The following TCF20 variants were observed in gnomAD, a reference collection of about 807,000 sequenced individuals.
The protein encoded by TCF20 is SPRE-binding protein.
A neutral mutation model predicts 148.6 loss-of-function variants in TCF20; 3 were observed. The observed-to-expected ratio is 0.02, with a 90% CI of 0.01 to 0.05. The LOEUF is 0.05. TCF20 is among the 10% of genes least tolerant of loss of function. TCF20 has a pLI of 1.00. For synonymous variants in TCF20, 1,049 were observed against 909.5 expected, an observed-to-expected ratio of 1.15 and a Z score of -2.76; for missense variants, 2,350 against 2,429.3, an observed-to-expected ratio of 0.97 and a Z score of 0.69.
At chr22:42,232,749 A>G (rs1047054218) in intron 1 of TCF20, among the ~76,000 whole-genome samples, 1 of 149,808 alleles carries the variant, frequency 6.7e-6, no homozygotes, top group Non-Finnish European at 1.5e-5. Flanking sequence ...CAGTGAGCCT[A>G]GATCGTGCCA....
In TCF20 at chr22:42,168,709, A is replaced by AG. The variant is rs756457255; in HGVS notation, c.5826dup (p.Gln1944AlafsTer39). ...CTGCCTTTCGCGGTCTTGTTCTGCA[A>AG]GGGGGGGAGAGGGCACGGAAGGGGA... On this transcript the variant is annotated frameshift_variant, in exon 5 of 6. Transcript: ENST00000677622. LOFTEE classifies it high-confidence loss of function. 8 of 1,610,662 alleles carry AG rather than the reference A, an allele frequency of 5.0e-6. No homozygotes were observed. Among genetic ancestry groups the AG allele is most frequent in the Non-Finnish European group, 5.1e-6 (6 of 1,178,848 alleles).
Position 42,171,721 on chromosome 22 carries a change from G to A in TCF20, c.5750-1825C>T, listed in dbSNP as rs184636669. Among the ~76,000 whole-genome samples the A allele has an allele frequency of 7.2e-5, 11 of 152,352 alleles. No homozygotes were observed. The East Asian group carries it at 2.1e-3, about 29-fold the overall frequency. On this transcript the variant is annotated intron_variant, in intron 3 of 5. Coordinates refer to ENST00000677622, the MANE Select transcript of TCF20 (RefSeq NM_001378418.1). ...ATAAACAGCAGGAGCCAGACAACTG[G>A]AGCTCAGGGGATATGCTCTCTTCTT...
At chr22:42,162,624 G>A (rs1935534021) in intron 5 of TCF20, among the ~76,000 whole-genome samples, 1 of 152,202 alleles carries the variant, frequency 6.6e-6, no homozygotes, top group African/African-American at 2.4e-5. Context: ...TGGCAGCCTT[G>A]CCCCTCCTTC....
chr22:42,166,603 C>T (rs1314222623), intron 5 of TCF20, among the ~76,000 whole-genome samples: 4 of 142,046 alleles, frequency 2.8e-5, no homozygotes, highest in Non-Finnish European at 6.0e-5. Flanking sequence ...AGTGAGAATC[C>T]GTCTCCAAAA....
intron 2 of TCF20, among the ~76,000 whole-genome samples, chr22:42,207,080 G>A (rs891250949): frequency 4.6e-5 from 7 of 152,194 alleles, no homozygotes; most frequent in African/African-American, 1.7e-4. Context: ...AGCTTGGGGA[G>A]GCCTCAGTAA....
intron 1 of TCF20, among the ~76,000 whole-genome samples, chr22:42,257,176 C>T (rs1035071755): frequency 2.6e-5 from 4 of 152,122 alleles, no homozygotes; most frequent in Non-Finnish European, 4.4e-5. Flanking sequence ...TAAAATAAAA[C>T]CCTCCAGGAG....
chr22:42,232,525 C>A (rs1569170314), intron 1 of TCF20, among the ~76,000 whole-genome samples: 1 of 152,136 alleles, frequency 6.6e-6, no homozygotes, highest in Non-Finnish European at 1.5e-5. Context: ...GCATAGTCAT[C>A]TTTCAGCAAC....
intron 3 of TCF20, among the ~76,000 whole-genome samples, chr22:42,171,993 G>A (rs949834289): frequency 6.6e-6 from 1 of 152,220 alleles, no homozygotes; most frequent in Non-Finnish European, 1.5e-5. Context: ...TAGGAAATGC[G>A]TTCCCTCTGA....
intron 1 of TCF20, among the ~76,000 whole-genome samples, chr22:42,264,071 C>T (rs192390526): frequency 1.3e-5 from 2 of 152,148 alleles, no homozygotes; most frequent in East Asian, 3.9e-4. Context: ...TGCCAGCTGG[C>T]TGGGAAAGAC....
chr22:42,341,063 G>A (rs538408013), intron 1 of TCF20, among the ~76,000 whole-genome samples: 9 of 152,280 alleles, frequency 5.9e-5, no homozygotes, highest in African/African-American at 1.7e-4. Context: ...AGCGCGCGCC[G>A]GCTGCCAGGA....
rs1928095704 is a variant in TCF20, at chr22:42,338,041, G to A, written c.-37+5438C>T. ...TCTCCACCAGTCACTGTGGCCAGAG[G>A]GAGGGGGTACTGGGCCCCACCTGGG... On this transcript the variant is annotated intron_variant, in intron 1 of 1. Coordinates refer to the TCF20 transcript ENST00000515426. The surrounding 1 kb of genome is among the most constrained non-coding windows in gnomAD (Gnocchi z 4.0). 6.6e-6 allele frequency among the ~76,000 whole-genome samples: 1 copy of A among 152,208 alleles called. No individual in the cohort carries two copies. The highest frequency in any genetic ancestry group is 2.1e-4 in the South Asian group (1 of 4,832).
chr22:42,216,667 T>A (rs1408283480), intron 1 of TCF20, among the ~76,000 whole-genome samples: 2 of 152,212 alleles, frequency 1.3e-5, no homozygotes, highest in Non-Finnish European at 2.9e-5. Context: ...GCCAGTTTTT[T>A]AAATTCACAG....
In TCF20 at chr22:42,203,554, T is replaced by G. The variant is rs573647135; in HGVS notation, c.5655+6097A>C. ...ATCCTGAAAGAAAATGAACCTTTTC[T>G]CTGGAAATTTAGTGTCAATGTCATC... On this transcript the variant is annotated intron_variant, in intron 2 of 5. Transcript: ENST00000677622. 4.3e-4 allele frequency among the ~76,000 whole-genome samples: 66 copies of G among 152,324 alleles called. No homozygotes were observed. The South Asian group carries it at 0.014, about 32-fold the overall frequency.
rs775617949 is a variant in TCF20 at position 42,212,585 on chromosome 22, C to T, written c.2721G>A (p.Ser907=). 6.2e-6 allele frequency: 10 copies of T among 1,613,942 alleles called. No individual in the cohort carries two copies. Among genetic ancestry groups the T allele is most frequent in the Middle Eastern group, 1.6e-4 (1 of 6,082 alleles). Residue 907 remains serine (S), a synonymous_variant, in exon 2 of 6, where the codon TCG becomes TCA. Transcript: ENST00000677622. ...ACACCAAACCACCAGGAAGAATGACCGACTGACTTAAAGTTGGATTGAGAC... is the reference window on the plus strand; with the variant it reads ...ACACCAAACCACCAGGAAGAATGACTGACTGACTTAAAGTTGGATTGAGAC... ...NDRLNPTLSQ[S]VILPGGLVSM...
At chr22:42,265,437 T>G (rs543031380) in intron 1 of TCF20, among the ~76,000 whole-genome samples, 1 of 152,314 alleles carries the variant, frequency 6.6e-6, no homozygotes, top group Admixed American at 6.5e-5. Flanking sequence ...GCCTCCTGAA[T>G]AGTCTGGACT....
At chr22:42,271,460 G>A (rs1601685920), upstream of TCF20, among the ~76,000 whole-genome samples, 2 of 152,226 alleles carry the variant, frequency 1.3e-5, no homozygotes, top group African/African-American at 4.8e-5. Flanking sequence ...CAAACCTGAT[G>A]TTTCTAAAGC....
intron 1 of TCF20, among the ~76,000 whole-genome samples, chr22:42,304,050 A>G (rs1232815194): frequency 6.6e-6 from 1 of 152,012 alleles, no homozygotes; most frequent in Non-Finnish European, 1.5e-5. Flanking sequence ...AGAACATCAA[A>G]GCTAGGTCCC....
At chr22:42,283,731 C>G (rs1426729364) in intron 1 of TCF20, among the ~76,000 whole-genome samples, 1 of 151,650 alleles carries the variant, frequency 6.6e-6, no homozygotes, top group Non-Finnish European at 1.5e-5. Context: ...AGCCTCGGGC[C>G]AGGGCAGCGC....
At chr22:42,282,007 G>A (rs957510755) in intron 1 of TCF20, among the ~76,000 whole-genome samples, 2 of 152,260 alleles carry the variant, frequency 1.3e-5, no homozygotes, top group African/African-American at 4.8e-5. Context: ...AGGTGGGCCA[G>A]GCACAGGACC....
Sources: gnomAD v4.1 joint callset for allele counts (sites outside exome capture counted in the v4.1 genomes callset) on GRCh38, gnomAD v4.1.1 for gene constraint, Gnocchi (gnomAD v3.1) non-coding constraint, MANE v1.5 for transcripts, NCBI Gene and HGNC (gene_info 2026-07-23, HGNC 2026-07-21) for gene names.